Variants in SNX24 observed in about 807,000 individuals in gnomAD.
SNX24 encodes the protein sorting nexin-24.
Under a neutral mutation model 28.7 loss-of-function variants are expected in SNX24, and 22 were observed. The ratio of observed to expected loss-of-function variants is 0.77; its 90% CI spans 0.55 to 1.10. The LOEUF (loss-of-function observed/expected upper bound fraction) is 1.10. Among genes scored for constraint, SNX24 ranks in the 50% least tolerant of loss-of-function variants. The pLI is 0.00. For synonymous variants in SNX24, 69 were observed against 71.5 expected (o/e 0.96, Z 0.18); for missense variants, 221 against 201.1 (o/e 1.10, Z -0.60).
chr5:122,886,959 C>T (rs1264530722), intron 1 of SNX24, among the ~76,000 whole-genome samples: 2 of 152,030 alleles, frequency 1.3e-5, no homozygotes, highest in Non-Finnish European at 2.9e-5. Context: ...TTTTGTTCAG[C>T]TTTTTTAATT....
At chr5:123,010,139 A>G (rs929492109), downstream of SNX24, among the ~76,000 whole-genome samples, 1 of 152,114 alleles carries the variant, frequency 6.6e-6, no homozygotes, top group Non-Finnish European at 1.5e-5. Flanking sequence ...TGGCAGGAGG[A>G]TGGTATTCGC....
intron 1 of SNX24, among the ~76,000 whole-genome samples, chr5:122,899,733 C>T (rs1298905966): frequency 6.6e-6 from 1 of 152,136 alleles, no homozygotes; most frequent in Admixed American, 6.5e-5. Context: ...GTAAAAAGTT[C>T]CTTCAGCACT....
intron 1 of SNX24, among the ~76,000 whole-genome samples, chr5:122,877,814 C>T (rs894134698): frequency 1.7e-4 from 26 of 152,018 alleles, no homozygotes; most frequent in African/African-American, 5.3e-4. Context: ...GCTCCTTTCT[C>T]CATTGGTGGA....
At chr5:122,892,176 C>A (rs1318705695) in intron 1 of SNX24, among the ~76,000 whole-genome samples, 2 of 151,922 alleles carry the variant, frequency 1.3e-5, no homozygotes, top group African/African-American at 4.8e-5. Context: ...TTTTTCTCTC[C>A]CTTAGTCTCT....
At chr5:122,962,375 A>G (rs550522884) in intron 3 of SNX24, among the ~76,000 whole-genome samples, 14 of 152,362 alleles carry the variant, frequency 9.2e-5, no homozygotes, top group Non-Finnish European at 1.9e-4. Context: ...TGATCTCAAA[A>G]TATGGTATAT....
intron 3 of SNX24, among the ~76,000 whole-genome samples, chr5:122,985,703 T>C (rs1398151520): frequency 2.0e-5 from 3 of 152,248 alleles, no homozygotes; most frequent in African/African-American, 7.2e-5. Flanking sequence ...GTCAGACACT[T>C]GTTGCGGTGG....
chr5:122,882,410 G>A (rs1756521161), intron 1 of SNX24, among the ~76,000 whole-genome samples: 1 of 152,196 alleles, frequency 6.6e-6, no homozygotes, highest in African/African-American at 2.4e-5. Context: ...CTGGCTACTT[G>A]GAGAGTTGTG....
chr5:122,972,524 G>C (rs1404048091), intron 3 of SNX24, among the ~76,000 whole-genome samples: 2 of 152,220 alleles, frequency 1.3e-5, no homozygotes, highest in Non-Finnish European at 2.9e-5. Context: ...GGTCAATCCA[G>C]CTGCTTCAGG....
At chr5:122,865,619 A>G (rs1266631697) in intron 1 of SNX24, among the ~76,000 whole-genome samples, 1 of 152,212 alleles carries the variant, frequency 6.6e-6, no homozygotes, top group Non-Finnish European at 1.5e-5. Flanking sequence ...AATTACAGGC[A>G]TGAGCCACCG....
Position 123,000,015 on chromosome 5 carries a change from C to G in SNX24, c.344+9C>G. ...AAGGCAGAAAGTTGTGGGTAAGAAT[C>G]ATGTTTGCATATTGGATGTGTATTT... is the stretch of plus-strand genomic sequence containing the variant. On this transcript the variant is annotated intron_variant, in intron 4 of 6. Coordinates refer to ENST00000261369, the MANE Select transcript of SNX24 (RefSeq NM_014035.4). 6.6e-7 allele frequency: 1 copy of G among 1,517,484 alleles called. No homozygotes were observed. The highest frequency in any genetic ancestry group is 9.2e-7 in the Non-Finnish European group (1 of 1,092,194). The allele number at this position is 1,517,484 out of a possible 1,614,324, so 94.0% of individuals were successfully genotyped here. A position where few individuals can be genotyped will look rare whatever the true frequency, so the allele number is the denominator to read the frequency against.
At chr5:122,885,113 GA>G (rs1756649322) in intron 1 of SNX24, among the ~76,000 whole-genome samples, 1 of 152,166 alleles carries the variant, frequency 6.6e-6, no homozygotes, top group South Asian at 2.1e-4. Flanking sequence ...TGGGGTTAGG[GA>G]AGCTTCCTGC....
intron 1 of SNX24, among the ~76,000 whole-genome samples, chr5:122,851,592 T>C (rs1316747584): frequency 1.3e-5 from 2 of 152,244 alleles, no homozygotes; most frequent in Non-Finnish European, 2.9e-5. Context: ...CTGGATACTA[T>C]CACTGATTTA....
intron 1 of SNX24, among the ~76,000 whole-genome samples, chr5:122,916,358 G>A (rs1758164260): frequency 6.6e-6 from 1 of 152,148 alleles, no homozygotes; most frequent in African/African-American, 2.4e-5. Context: ...GTTCCTTCTG[G>A]TACATTTCCT....
At chr5:122,883,381 A>G (rs930557548) in intron 1 of SNX24, among the ~76,000 whole-genome samples, 1 of 152,152 alleles carries the variant, frequency 6.6e-6, no homozygotes, top group African/African-American at 2.4e-5. Context: ...CATTTTCTGT[A>G]TTTATTAATA....
At position 122,918,281 on chromosome 5, in the gene SNX24, C is replaced by A. The variant is rs138435496; in HGVS notation, c.61-18453C>A. ...GTGCACAGTTCAGTTTATAACAGGG[C>A]AGTGGACACCATACACAGAGTTTGT... On this transcript the variant is annotated intron_variant, in intron 1 of 6. Coordinates refer to ENST00000261369, the MANE Select transcript of SNX24 (RefSeq NM_014035.4). Among the ~76,000 whole-genome samples, 329 of 152,110 alleles carry A rather than the reference C, an allele frequency of 2.2e-3. 1 individual carries two copies. Among genetic ancestry groups the A allele is most frequent in the African/African-American group, 7.7e-3 (321 of 41,506 alleles).
At chr5:122,875,533 C>T (rs1756184541) in intron 1 of SNX24, among the ~76,000 whole-genome samples, 1 of 152,246 alleles carries the variant, frequency 6.6e-6, no homozygotes, top group Non-Finnish European at 1.5e-5. Flanking sequence ...CTTCAGTGTA[C>T]TCCTTTGTAC....
At chr5:123,014,110 T>C (rs1373897924), downstream of SNX24, among the ~76,000 whole-genome samples, 2 of 152,166 alleles carry the variant, frequency 1.3e-5, no homozygotes, top group East Asian at 3.9e-4. Flanking sequence ...TGACCAAGGA[T>C]ACCAGTTAAT....
intron 1 of SNX24, among the ~76,000 whole-genome samples, chr5:122,880,320 T>C (rs1204178320): frequency 6.6e-6 from 1 of 152,212 alleles, no homozygotes; most frequent in Non-Finnish European, 1.5e-5. Flanking sequence ...AAAAACTTTT[T>C]CATTAAGATT....
At chr5:123,002,094 A>G in intron 6 of SNX24, 90 bp downstream of exon 6, 1 of 1,009,806 alleles carries the variant, frequency 9.9e-7, no homozygotes, top group Non-Finnish European at 1.6e-6. Flanking sequence ...TAACAGAGTG[A>G]CATTGGTCCC....
Sources: gnomAD v4.1 joint callset for allele counts (sites outside exome capture counted in the v4.1 genomes callset) on GRCh38, gnomAD v4.1.1 for gene constraint, MANE v1.5 for transcripts, NCBI Gene and HGNC (gene_info 2026-07-23, HGNC 2026-07-21) for gene names.